The following ADGRL3 variants were observed in gnomAD, a reference collection of about 807,000 sequenced individuals.
ADGRL3 encodes the protein adhesion G protein-coupled receptor L3, also known as calcium-independent alpha-latrotoxin receptor 3.
ADGRL3 carries 62 observed loss-of-function variants against 153.5 expected under a neutral mutation model. The ratio of observed to expected loss-of-function variants is 0.40; its 90% CI spans 0.33 to 0.50. The LOEUF is 0.50. Among genes scored for constraint, ADGRL3 ranks in the 20% least tolerant of loss-of-function variants. The pLI is 0.47. For missense variants in ADGRL3, 1,641 were observed against 1,859.4 expected, an observed-to-expected ratio of 0.88 and a Z score of 2.16; for synonymous variants, 710 against 672.5, an observed-to-expected ratio of 1.06 and a Z score of -0.86.
chr4:61,680,405 CGTGTGTGT>C lies in ADGRL3; in HGVS notation c.583+3507_583+3514del, dbSNP rs3075156. Among the ~76,000 whole-genome samples the C allele has an allele frequency of 7.2e-3, 1,031 of 144,108 alleles. 13 individuals are homozygous for C. The highest frequency in any genetic ancestry group is 8.9e-3 in the African/African-American group (340 of 38,096). The allele number at this position is 144,108 out of a possible 152,430, so 94.5% of individuals were successfully genotyped here. A position where few individuals can be genotyped will look rare whatever the true frequency, so the allele number is the denominator to read the frequency against. On this transcript the variant is annotated intron_variant, in intron 6 of 26. Transcript: ENST00000683033. ...ACTTTTTTTTAAATTTATACATACT[CGTGTGTGT>C]GTGTGTGTGTGTGTGTGTGTGTGTG...
intron 17 of ADGRL3, among the ~76,000 whole-genome samples, chr4:61,950,995 T>C (rs548129887): frequency 4.3e-4 from 65 of 152,286 alleles, no homozygotes; most frequent in African/African-American, 1.5e-3. Flanking sequence ...AGTTAGAAAT[T>C]GGAGGTGAAC....
chr4:61,307,062 CT>C (rs2094816624), intron 1 of ADGRL3, among the ~76,000 whole-genome samples: 1 of 152,146 alleles, frequency 6.6e-6, no homozygotes, highest in African/African-American at 2.4e-5. Flanking sequence ...GTAAAAATTT[CT>C]GTGAGTTTCA....
At chr4:61,256,422 C>T (rs1195502784) in intron 1 of ADGRL3, among the ~76,000 whole-genome samples, 1 of 151,994 alleles carries the variant, frequency 6.6e-6, no homozygotes, top group Non-Finnish European at 1.5e-5. Context: ...GCAAAGCTGG[C>T]TAGAATTGAT....
At chr4:62,022,181 G>A (rs2099241284) in intron 21 of ADGRL3, among the ~76,000 whole-genome samples, 1 of 152,188 alleles carries the variant, frequency 6.6e-6, no homozygotes, top group Non-Finnish European at 1.5e-5. Flanking sequence ...AAAAGTTTTA[G>A]TGGTCTTGTT....
chr4:61,871,400 G>A (rs771378537), intron 9 of ADGRL3, among the ~76,000 whole-genome samples: 8 of 152,204 alleles, frequency 5.3e-5, no homozygotes, highest in Non-Finnish European at 7.4e-5. Context: ...TAATCAAAAG[G>A]AATGAGGTAC....
intron 1 of ADGRL3, among the ~76,000 whole-genome samples, chr4:61,320,687 T>C (rs1393273891): frequency 2.0e-5 from 3 of 152,174 alleles, no homozygotes; most frequent in African/African-American, 7.2e-5. Context: ...AAAAATACCT[T>C]TACAGCAACA....
intron 13 of ADGRL3, among the ~76,000 whole-genome samples, chr4:61,921,868 G>A (rs1261810662): frequency 6.6e-6 from 1 of 152,120 alleles, no homozygotes; most frequent in Non-Finnish European, 1.5e-5. Flanking sequence ...CACACAATAG[G>A]GTAGCATTCT....
chr4:61,270,532 A>C (rs1289956638), intron 1 of ADGRL3, among the ~76,000 whole-genome samples: 1 of 151,800 alleles, frequency 6.6e-6, no homozygotes, highest in African/African-American at 2.4e-5. Flanking sequence ...AAAAGGTCCT[A>C]ATCATATTAG....
intron 2 of ADGRL3, among the ~76,000 whole-genome samples, chr4:61,460,314 T>A (rs2097795467): frequency 6.6e-6 from 1 of 152,108 alleles, no homozygotes; most frequent in Non-Finnish European, 1.5e-5. Flanking sequence ...GAACCACTTA[T>A]TGAAGAGGGT....
At chr4:61,747,527 T>C (rs1423074757) in intron 8 of ADGRL3, among the ~76,000 whole-genome samples, 16 of 145,858 alleles carry the variant, frequency 1.1e-4, no homozygotes, top group African/African-American at 4.2e-4. Context: ...GTGGGCTTCA[T>C]CCCTGGGATG....
intron 1 of ADGRL3, among the ~76,000 whole-genome samples, chr4:61,291,659 AAAGAGT>A (rs2094219454): frequency 8.9e-6 from 1 of 112,022 alleles, no homozygotes; most frequent in Admixed American, 9.9e-5. Flanking sequence ...GTATAGAGAG[AAAGAGT>A]GAGAGAGAGA....
chr4:61,714,223 A>ACACACACACACACACG (rs767579168), intron 6 of ADGRL3, among the ~76,000 whole-genome samples: 80 of 145,746 alleles, frequency 5.5e-4, no homozygotes, highest in South Asian at 2.9e-3. Context: ...TAAAATACGC[A>ACACACACACACACACG]CACACACACA....
At chr4:61,329,582 G>T (rs1181337812) in intron 1 of ADGRL3, among the ~76,000 whole-genome samples, 1 of 152,078 alleles carries the variant, frequency 6.6e-6, no homozygotes, top group Non-Finnish European at 1.5e-5. Context: ...AATAAATTTT[G>T]TTAAATTGTT....
At chr4:61,494,687 T>C (rs1333865432) in intron 2 of ADGRL3, among the ~76,000 whole-genome samples, 2 of 152,156 alleles carry the variant, frequency 1.3e-5, no homozygotes, top group African/African-American at 4.8e-5. Flanking sequence ...AAATATTTCG[T>C]TTCTTGTCAA....
At chr4:61,524,706 G>A (rs2098549599) in intron 4 of ADGRL3, among the ~76,000 whole-genome samples, 1 of 152,068 alleles carries the variant, frequency 6.6e-6, no homozygotes, top group Non-Finnish European at 1.5e-5. Context: ...AAATGGTAAA[G>A]CATGTGGTTC....
At chr4:61,357,976 G>A (rs2096209545) in intron 1 of ADGRL3, among the ~76,000 whole-genome samples, 1 of 152,162 alleles carries the variant, frequency 6.6e-6, no homozygotes, top group African/African-American at 2.4e-5. Flanking sequence ...AATTTATTTA[G>A]CTTCCCTATT....
At chr4:61,764,660 A>G (rs984163174) in intron 8 of ADGRL3, among the ~76,000 whole-genome samples, 7 of 152,114 alleles carry the variant, frequency 4.6e-5, no homozygotes, top group African/African-American at 1.7e-4. Flanking sequence ...TGCAGGTCAC[A>G]GGGGATGTGA....
chr4:61,391,425 C>T (rs772733086), intron 2 of ADGRL3, among the ~76,000 whole-genome samples: 1 of 152,192 alleles, frequency 6.6e-6, no homozygotes, highest in Non-Finnish European at 1.5e-5. Flanking sequence ...GACCCAATCA[C>T]CTCATACCAG....
At chr4:61,897,405 G>A (rs1208273925) in intron 11 of ADGRL3, among the ~76,000 whole-genome samples, 1 of 152,152 alleles carries the variant, frequency 6.6e-6, no homozygotes, top group Non-Finnish European at 1.5e-5. Context: ...AAGGTCAGTG[G>A]TGGAGCTAAT....
Sources: allele counts gnomAD v4.1 joint callset (sites outside exome capture counted in the v4.1 genomes callset), GRCh38; gene constraint gnomAD v4.1.1; transcripts MANE v1.5; gene names NCBI Gene and HGNC (gene_info 2026-07-23, HGNC 2026-07-21).